Variants in CCDC201 observed in about 807,000 individuals in gnomAD.
CCDC201 encodes the protein coiled-coil domain containing 201, also known as coiled-coil domain-containing protein 201.
exon 3 of CCDC201, chr7:45,860,877 A>C (rs1282759024): frequency 6.6e-6 from 1 of 152,390 alleles, no homozygotes; most frequent in Admixed American, 6.5e-5. Context: ...CATTTTGAAC[A>C]CTTTAACTAG....
intron 2 of CCDC201, among the ~76,000 whole-genome samples, chr7:45,863,388 T>C (rs1031631852): frequency 5.9e-5 from 9 of 151,710 alleles, no homozygotes; most frequent in Non-Finnish European, 1.3e-4. Context: ...CAGACGAGTG[T>C]ATAGGTGAAT....
chr7:45,876,568 T>C (rs1786810631), upstream of CCDC201, among the ~76,000 whole-genome samples: 1 of 152,218 alleles, frequency 6.6e-6, no homozygotes, highest in African/African-American at 2.4e-5. Context: ...ACCTCTTGAC[T>C]TAAGGGTTGC....
At chr7:45,871,015 T>C (rs568670877) in intron 1 of CCDC201, among the ~76,000 whole-genome samples, 1 of 152,352 alleles carries the variant, frequency 6.6e-6, no homozygotes, top group African/African-American at 2.4e-5. Flanking sequence ...AAACTACTTT[T>C]AACTAATCTA....
At chr7:45,879,395 G>T in the CCDC201 span, among the ~76,000 whole-genome samples, 1 of 152,298 alleles carries the variant, frequency 6.6e-6, no homozygotes, top group South Asian at 2.1e-4. Flanking sequence ...TTCTCATGCT[G>T]CTATAAAGAA....
At chr7:45,875,924 T>C (rs530652074), upstream of CCDC201, among the ~76,000 whole-genome samples, 1 of 152,342 alleles carries the variant, frequency 6.6e-6, no homozygotes, top group South Asian at 2.1e-4. Context: ...ACATGACAAG[T>C]ATTTGTCAGA....
intron 1 of CCDC201, among the ~76,000 whole-genome samples, chr7:45,870,180 A>T (rs1036023229): frequency 6.6e-6 from 1 of 152,210 alleles, no homozygotes; most frequent in African/African-American, 2.4e-5. Context: ...AAGTTTTCTG[A>T]CAGTCTAGTA....
chr7:45,881,444 G>T, the CCDC201 span, among the ~76,000 whole-genome samples: 1 of 152,208 alleles, frequency 6.6e-6, no homozygotes, highest in South Asian at 2.1e-4. Context: ...TCTCCTAGGC[G>T]GCTTGCCTAG....
upstream of CCDC201, among the ~76,000 whole-genome samples, chr7:45,873,281 A>AC (rs1361117908): frequency 1.6e-3 from 37 of 23,470 alleles, no homozygotes; most frequent in Non-Finnish European, 2.4e-3. Flanking sequence ...CCACCCCCCC[A>AC]CCCCCCAGCA....
Sources: gnomAD v4.1 joint callset for allele counts (sites outside exome capture counted in the v4.1 genomes callset) on GRCh38, gnomAD v4.1.1 for gene constraint, MANE v1.5 for transcripts, NCBI Gene and HGNC (gene_info 2026-07-23, HGNC 2026-07-21) for gene names.